Variants in DACH2 observed in about 807,000 individuals in gnomAD.
DACH2 encodes dachshund family transcription factor 2.
In DACH2, 17 loss-of-function variants were observed where a neutral mutation model predicts 35.8. The observed-to-expected ratio is 0.48, with a 90% CI of 0.33 to 0.71. DACH2 has a LOEUF of 0.71. DACH2 is among the 30% of genes least tolerant of loss of function. The probability of loss-of-function intolerance (pLI) is 0.02; values close to 1 mark genes in which losing one functional copy is unlikely to be tolerated. For synonymous variants in DACH2, 195 were observed against 177.3 expected (o/e 1.10, Z -0.79); for missense variants, 469 against 472.7 (o/e 0.99, Z 0.07).
rs1464541368 is a variant in DACH2, at chrX:86,610,410, TTTCTTTCTTTTC to T, written c.641-40623_641-40612del. Reference sequence around the variant, plus strand: ...CTTTCTTTCTTTCTTTCTTTCTTTCTTTCTTTCTTTTCTTTCTTTCTTTCTTTCTTTCTTTCT... The same window carrying T: ...CTTTCTTTCTTTCTTTCTTTCTTTCTTTTCTTTCTTTCTTTCTTTCTTTCT... On this transcript the variant is annotated intron_variant, in intron 3 of 11. Coordinates refer to ENST00000373125, the MANE Select transcript of DACH2 (RefSeq NM_053281.3). Among the ~76,000 whole-genome samples the T allele has an allele frequency of 3.5e-3, 269 of 77,411 alleles. 1 individual carries two copies. Among genetic ancestry groups the T allele is most frequent in the African/African-American group, 7.5e-3 (133 of 17,820 alleles). 67.2% of individuals were successfully genotyped at this position (77,411 alleles called of 115,157 possible). A position where few individuals can be genotyped will look rare whatever the true frequency, so the allele number is the denominator to read the frequency against.
intron 1 of DACH2, among the ~76,000 whole-genome samples, chrX:86,285,132 C>G (rs1342214913): frequency 9.0e-6 from 1 of 111,357 alleles, no homozygotes; most frequent in African/African-American, 3.3e-5. Context: ...AAATATCAGC[C>G]TTTTGTTTCA....
chrX:86,572,329 A>C (rs1033444420), intron 3 of DACH2, among the ~76,000 whole-genome samples: 4 of 111,736 alleles, frequency 3.6e-5, no homozygotes, highest in African/African-American at 9.7e-5. Flanking sequence ...TGCAAAAAAA[A>C]ATTCAGTGTT....
At chrX:86,274,919 C>T (rs747808879) in intron 1 of DACH2, among the ~76,000 whole-genome samples, 2 of 111,527 alleles carry the variant, frequency 1.8e-5, no homozygotes, top group African/African-American at 6.5e-5. Flanking sequence ...AAAAAGATCA[C>T]GATAAAGTCA....
intron 1 of DACH2, among the ~76,000 whole-genome samples, chrX:86,185,489 G>T (rs928555169): frequency 6.3e-5 from 7 of 111,446 alleles, no homozygotes; most frequent in Admixed American, 1.9e-4. Context: ...GGCAGGAGAA[G>T]AATATGCCTT....
At chrX:86,700,467 A>T (rs750849063) in intron 5 of DACH2, among the ~76,000 whole-genome samples, 4 of 110,634 alleles carry the variant, frequency 3.6e-5, no homozygotes, top group African/African-American at 1.3e-4. Flanking sequence ...TATTTAGGAT[A>T]GTTAGGTCTT....
intron 2 of DACH2, among the ~76,000 whole-genome samples, chrX:86,471,692 T>A (rs1327126169): frequency 9.0e-6 from 1 of 111,219 alleles, no homozygotes; most frequent in Non-Finnish European, 1.9e-5. Context: ...ACTCTTCATC[T>A]AGTGAGATAT....
intron 2 of DACH2, among the ~76,000 whole-genome samples, chrX:86,413,995 A>G (rs2036658196): frequency 9.0e-6 from 1 of 111,590 alleles, no homozygotes; most frequent in South Asian, 3.8e-4. Flanking sequence ...CCTTTTCCCA[A>G]TGCACAGTTA....
At chrX:86,722,062 C>T (rs184775455) in intron 6 of DACH2, among the ~76,000 whole-genome samples, 42 of 112,140 alleles carry the variant, frequency 3.7e-4, no homozygotes, top group African/African-American at 1.3e-3. Flanking sequence ...ATTACTGGGA[C>T]TCCAGTACTA....
At chrX:86,443,613 A>G (rs768598937) in intron 2 of DACH2, among the ~76,000 whole-genome samples, 11 of 110,585 alleles carry the variant, frequency 9.9e-5, no homozygotes, top group Non-Finnish European at 2.1e-4. Context: ...AAAGCCTTCA[A>G]CTTTTTGCCA....
At chrX:86,698,436 G>A (rs1264346787) in intron 5 of DACH2, among the ~76,000 whole-genome samples, 2 of 105,494 alleles carry the variant, frequency 1.9e-5, no homozygotes, top group Non-Finnish European at 3.9e-5. Context: ...TTTGATTTAT[G>A]TAACGAAAGG....
At chrX:86,289,840 G>A (rs1179854991) in intron 1 of DACH2, among the ~76,000 whole-genome samples, 2 of 109,086 alleles carry the variant, frequency 1.8e-5, no homozygotes, top group Non-Finnish European at 3.8e-5. Flanking sequence ...ATTTGGGTTG[G>A]TTCCAAGTCT....
At chrX:86,407,784 A>C (rs2036548889) in intron 2 of DACH2, among the ~76,000 whole-genome samples, 1 of 112,149 alleles carries the variant, frequency 8.9e-6, no homozygotes, top group African/African-American at 3.2e-5. Context: ...ATTTTGTAGC[A>C]GACTGAAGTG....
At chrX:86,618,903 C>G (rs755138088) in intron 3 of DACH2, among the ~76,000 whole-genome samples, 12 of 111,808 alleles carry the variant, frequency 1.1e-4, no homozygotes, top group African/African-American at 3.2e-4. Flanking sequence ...ACATTGGCTA[C>G]CACACTAGAA....
intron 3 of DACH2, among the ~76,000 whole-genome samples, chrX:86,581,139 A>C (rs1383258559): frequency 9.0e-6 from 1 of 111,428 alleles, no homozygotes; most frequent in Admixed American, 9.6e-5. Flanking sequence ...GGCCAAACTA[A>C]GAAAGGAGAA....
intron 2 of DACH2, among the ~76,000 whole-genome samples, chrX:86,503,812 T>C (rs1035527247): frequency 3.6e-5 from 4 of 111,994 alleles, no homozygotes; most frequent in Non-Finnish European, 7.5e-5. Flanking sequence ...TATTGAGTCA[T>C]TGGAAACTAG....
chrX:86,655,676 A>C (rs2040530555), intron 4 of DACH2, among the ~76,000 whole-genome samples: 1 of 111,121 alleles, frequency 9.0e-6, no homozygotes. Flanking sequence ...GTCTGAGGAG[A>C]GAAGACAAAA....
intron 6 of DACH2, among the ~76,000 whole-genome samples, chrX:86,734,720 C>A (rs777828840): frequency 1.8e-5 from 2 of 111,102 alleles, no homozygotes; most frequent in African/African-American, 3.3e-5. Context: ...GATATACCAA[C>A]TTTCAGCATA....
intron 1 of DACH2, among the ~76,000 whole-genome samples, chrX:86,288,348 G>A (rs757111697): frequency 8.9e-6 from 1 of 112,174 alleles, no homozygotes; most frequent in South Asian, 3.7e-4. Flanking sequence ...TGCCACCACA[G>A]CACTGAGTCT....
At chrX:86,662,741 C>G (rs897473128) in intron 4 of DACH2, among the ~76,000 whole-genome samples, 2 of 111,802 alleles carry the variant, frequency 1.8e-5, no homozygotes, top group African/African-American at 6.5e-5. Flanking sequence ...TAGGTTTTGG[C>G]AAGTCCTTAA....
Sources: allele counts gnomAD v4.1 joint callset (sites outside exome capture counted in the v4.1 genomes callset), GRCh38; gene constraint gnomAD v4.1.1; transcripts MANE v1.5; gene names NCBI Gene and HGNC (gene_info 2026-07-23, HGNC 2026-07-21).